The following CADM2 variants were observed in gnomAD, a reference collection of about 807,000 sequenced individuals.
CADM2 encodes the protein cell adhesion molecule 2.
In CADM2, 12 loss-of-function variants were observed where a neutral mutation model predicts 49.8. That is an observed-to-expected ratio of 0.24 (90% CI 0.15 to 0.39). CADM2 has a LOEUF of 0.39. Among genes scored for constraint, CADM2 ranks in the 10% least tolerant of loss-of-function variants. CADM2 has a pLI of 1.00. For synonymous variants in CADM2, 214 were observed against 175.4 expected, an observed-to-expected ratio of 1.22 and a Z score of -1.74; for missense variants, 378 against 492.3, an observed-to-expected ratio of 0.77 and a Z score of 2.20.
At chr3:85,571,394 T>G (rs1442373879) in intron 1 of CADM2, among the ~76,000 whole-genome samples, 2 of 141,782 alleles carry the variant, frequency 1.4e-5, no homozygotes, top group Non-Finnish European at 3.1e-5. Context: ...ACCTTGCAAT[T>G]ATAATTGTCC....
At chr3:85,837,522 A>G (rs1287215969) in intron 3 of CADM2, among the ~76,000 whole-genome samples, 4 of 151,644 alleles carry the variant, frequency 2.6e-5, no homozygotes, top group South Asian at 2.1e-4. Flanking sequence ...CAGAGGAAAG[A>G]CACTTTGTAC....
chr3:85,459,428 T>C (rs1191067985), intron 1 of CADM2, among the ~76,000 whole-genome samples: 1 of 152,126 alleles, frequency 6.6e-6, no homozygotes, highest in Non-Finnish European at 1.5e-5. Context: ...ATTTCTAGCC[T>C]CTATCCTGGG....
At chr3:85,965,975 C>G (rs531982432) in intron 8 of CADM2, among the ~76,000 whole-genome samples, 1 of 151,628 alleles carries the variant, frequency 6.6e-6, no homozygotes, top group Non-Finnish European at 1.5e-5. Context: ...AAGTGAGAAA[C>G]GCAAATTACC....
At chr3:86,052,234 C>T (rs1040858011) in intron 8 of CADM2, among the ~76,000 whole-genome samples, 1 of 152,080 alleles carries the variant, frequency 6.6e-6, no homozygotes, top group Non-Finnish European at 1.5e-5. Flanking sequence ...AAAACACAGT[C>T]TGTACCTGTA....
At position 85,679,897 on chromosome 3, in the gene CADM2, G is replaced by A. The variant is rs574934024; in HGVS notation, c.62-46625G>A. Among the ~76,000 whole-genome samples the A allele has an allele frequency of 1.3e-4, 20 of 152,218 alleles. No homozygotes were observed. In the South Asian group the frequency reaches 4.1e-3, roughly 32 times the overall value. ...TGGGTATTAGTCAATTGTTTAAAGAGTAGGGCAGATATTCATTTTGCTATA... is the reference window on the plus strand; with the variant it reads ...TGGGTATTAGTCAATTGTTTAAAGAATAGGGCAGATATTCATTTTGCTATA... On this transcript the variant is annotated intron_variant, in intron 1 of 9. Coordinates refer to ENST00000383699, the MANE Select transcript of CADM2 (RefSeq NM_001167675.2).
chr3:85,667,865 A>C (rs1029064098), intron 1 of CADM2, among the ~76,000 whole-genome samples: 1 of 152,030 alleles, frequency 6.6e-6, no homozygotes, highest in Non-Finnish European at 1.5e-5. Flanking sequence ...TTCTCATAGG[A>C]TAGTTGTAGG....
chr3:84,980,089 T>C (rs777006149), intron 1 of CADM2, among the ~76,000 whole-genome samples: 2 of 152,202 alleles, frequency 1.3e-5, no homozygotes, highest in Non-Finnish European at 2.9e-5. Context: ...ATCATAATCA[T>C]ACAAAGAGTT....
intron 1 of CADM2, among the ~76,000 whole-genome samples, chr3:85,508,649 C>G (rs1418014217): frequency 6.6e-6 from 1 of 152,096 alleles, no homozygotes; most frequent in Non-Finnish European, 1.5e-5. Flanking sequence ...GAAAAGAAGT[C>G]TCAGTGGGAA....
intron 1 of CADM2, among the ~76,000 whole-genome samples, chr3:85,395,491 C>G (rs778999443): frequency 8.6e-5 from 13 of 151,804 alleles, no homozygotes; most frequent in Non-Finnish European, 1.9e-4. Flanking sequence ...TTCTGGCTGC[C>G]GTCTAACAAA....
chr3:85,368,283 C>T (rs1200567945), intron 1 of CADM2, among the ~76,000 whole-genome samples: 1 of 151,948 alleles, frequency 6.6e-6, no homozygotes, highest in African/African-American at 2.4e-5. Flanking sequence ...CTAATTTTAT[C>T]TTCAACAATA....
chr3:85,786,811 G>T (rs1577310917), intron 2 of CADM2, among the ~76,000 whole-genome samples: 2 of 151,838 alleles, frequency 1.3e-5, no homozygotes, highest in South Asian at 2.1e-4. Flanking sequence ...ATATATCAAT[G>T]GTTACCTTGG....
At chr3:85,683,994 C>G (rs1392841624) in intron 1 of CADM2, among the ~76,000 whole-genome samples, 1 of 152,096 alleles carries the variant, frequency 6.6e-6, no homozygotes, top group Admixed American at 6.5e-5. Context: ...CCTCAGCAAG[C>G]CTTTAGCATA....
chr3:85,194,861 C>A (rs2041302267), intron 1 of CADM2, among the ~76,000 whole-genome samples: 4 of 151,726 alleles, frequency 2.6e-5, no homozygotes, highest in Admixed American at 2.6e-4. Flanking sequence ...TTAGAATCAA[C>A]AAATATTAAA....
intron 7 of CADM2, among the ~76,000 whole-genome samples, chr3:85,959,538 G>T (rs1328418887): frequency 1.3e-5 from 2 of 151,770 alleles, no homozygotes; most frequent in Non-Finnish European, 2.9e-5. Context: ...CAGAGCAAAA[G>T]ATTCTCCTAT....
At chr3:85,518,937 T>G (rs191801437) in intron 1 of CADM2, among the ~76,000 whole-genome samples, 2 of 152,164 alleles carry the variant, frequency 1.3e-5, no homozygotes, top group African/African-American at 4.8e-5. Context: ...TCCAGCCTAC[T>G]ACCAGGGCCA....
At chr3:85,461,000 A>G (rs1294630042) in intron 1 of CADM2, among the ~76,000 whole-genome samples, 2 of 152,094 alleles carry the variant, frequency 1.3e-5, no homozygotes, top group Non-Finnish European at 2.9e-5. Flanking sequence ...TTTGCCTGTG[A>G]GTTCATTTTC....
chr3:85,929,310 T>C (rs1720302085), intron 6 of CADM2, among the ~76,000 whole-genome samples: 1 of 152,034 alleles, frequency 6.6e-6, no homozygotes, highest in African/African-American at 2.4e-5. Flanking sequence ...GTTTAGAAAA[T>C]ATTCCCAATT....
rs397990427 is a variant in CADM2 at position 85,859,224 on chromosome 3, C to CTTTTTTTTTTTTTTT, written c.239-24055_239-24041dup. Among the ~76,000 whole-genome samples, 35 of 70,604 alleles carry CTTTTTTTTTTTTTTT rather than the reference C, an allele frequency of 5.0e-4. 3 individuals carry two copies. Among genetic ancestry groups the CTTTTTTTTTTTTTTT allele is most frequent in the East Asian group, 1.6e-3 (3 of 1,876 alleles). 46.3% of individuals were successfully genotyped at this position (70,604 alleles called of 152,430 possible). A position where few individuals can be genotyped will look rare whatever the true frequency, so the allele number is the denominator to read the frequency against. On this transcript the variant is annotated intron_variant, in intron 3 of 9. Coordinates refer to ENST00000383699, the MANE Select transcript of CADM2 (RefSeq NM_001167675.2). Reference sequence around the variant, plus strand: ...TACCTTGTGCTTTTCTTTTTTTTGTCTTTTTTTTTTTTTTTTTTTTTTTTT... The same window carrying CTTTTTTTTTTTTTTT: ...TACCTTGTGCTTTTCTTTTTTTTGTCTTTTTTTTTTTTTTTTTTTTTTTTTTTTTTTTTTTTTTTT...
intron 7 of CADM2, among the ~76,000 whole-genome samples, chr3:85,946,237 T>G (rs1722672159): frequency 6.6e-6 from 1 of 151,638 alleles, no homozygotes; most frequent in South Asian, 2.1e-4. Flanking sequence ...GTGAAGGACC[T>G]CTTCAAGGAG....
Sources: allele counts gnomAD v4.1 joint callset (sites outside exome capture counted in the v4.1 genomes callset), GRCh38; gene constraint gnomAD v4.1.1; transcripts MANE v1.5; gene names NCBI Gene and HGNC (gene_info 2026-07-23, HGNC 2026-07-21).